CSMD1: variants seen among roughly 807,000 people sequenced by gnomAD.
CSMD1 encodes the protein CUB and sushi domain-containing protein 1.
A neutral mutation model predicts 417.5 loss-of-function variants in CSMD1; 213 were observed. That is an observed-to-expected ratio of 0.51 (90% CI 0.46 to 0.57). The LOEUF (loss-of-function observed/expected upper bound fraction) is 0.57, where lower values mean the gene tolerates loss of function less well. Ranked by LOEUF, CSMD1 falls within the 20% of genes least tolerant of loss-of-function variation. The probability of loss-of-function intolerance (pLI) is 0.00; values close to 1 mark genes in which losing one functional copy is unlikely to be tolerated. For synonymous variants in CSMD1, 2,862 were observed against 1,736.8 expected, an observed-to-expected ratio of 1.65 and a Z score of -16.11; for missense variants, 6,923 against 4,529.7, an observed-to-expected ratio of 1.53 and a Z score of -15.17.
At chr8:4,330,194 A>G (rs931291165) in intron 3 of CSMD1, among the ~76,000 whole-genome samples, 1 of 123,902 alleles carries the variant, frequency 8.1e-6, no homozygotes, top group African/African-American at 2.6e-5. Context: ...TATGAAATCC[A>G]CAATTTCTCC....
chr8:4,371,924 G>C (rs1414180254), intron 3 of CSMD1, among the ~76,000 whole-genome samples: 1 of 152,214 alleles, frequency 6.6e-6, no homozygotes, highest in South Asian at 2.1e-4. Flanking sequence ...TTTCACAAGA[G>C]TAATGATGAC....
At chr8:3,380,929 T>G (rs1410604860) in intron 18 of CSMD1, among the ~76,000 whole-genome samples, 3 of 152,094 alleles carry the variant, frequency 2.0e-5, no homozygotes, top group Admixed American at 2.0e-4. Context: ...TAAAATATTT[T>G]AAAAAGTAAG....
chr8:4,938,452 T>C (rs1406472366), intron 1 of CSMD1, among the ~76,000 whole-genome samples: 1 of 152,112 alleles, frequency 6.6e-6, no homozygotes, highest in Non-Finnish European at 1.5e-5. Context: ...TGTTCTCTAG[T>C]AAAAAGACAA....
chr8:3,958,231 G>A (rs1192033268), intron 5 of CSMD1, among the ~76,000 whole-genome samples: 1 of 151,786 alleles, frequency 6.6e-6, no homozygotes, highest in African/African-American at 2.4e-5. Flanking sequence ...CAAACATGAA[G>A]ATAGACTACG....
intron 3 of CSMD1, among the ~76,000 whole-genome samples, chr8:4,294,112 G>C (rs1193549928): frequency 6.6e-6 from 1 of 152,144 alleles, no homozygotes; most frequent in Non-Finnish European, 1.5e-5. Context: ...ACTGGAAAAA[G>C]TAATGTGGCA....
At position 3,453,327 on chromosome 8, in the gene CSMD1, T is replaced by C. The variant is rs1257450759; in HGVS notation, c.1561+15385A>G. On this transcript the variant is annotated intron_variant, in intron 12 of 69. Transcript: ENST00000635120. ...TCTATTTCGTTCACTTCTGCTCTGA[T>C]CTTAGTTATTTCTCACCTTCTGCTG... Among the ~76,000 whole-genome samples the C allele has an allele frequency of 2.0e-5, 3 of 152,338 alleles. No individual in the cohort carries two copies. In the East Asian group the frequency reaches 5.8e-4, roughly 29 times the overall value.
Position 4,328,325 on chromosome 8 carries a change from T to C in CSMD1, c.415+91628A>G, listed in dbSNP as rs558316955. Reference sequence around the variant, plus strand: ...TTCCCCACGACTCAGTTAAGTCAACTGTGCGGTCTGAGACTTCTCTCTTTC... The same window carrying C: ...TTCCCCACGACTCAGTTAAGTCAACCGTGCGGTCTGAGACTTCTCTCTTTC... On this transcript the variant is annotated intron_variant, in intron 3 of 69. Coordinates refer to ENST00000635120, the MANE Select transcript of CSMD1 (RefSeq NM_033225.6). 2.6e-5 allele frequency among the ~76,000 whole-genome samples: 4 copies of C among 151,206 alleles called. No homozygotes were observed. The East Asian group carries it at 7.8e-4, about 30-fold the overall frequency.
chr8:4,804,541 G>C (rs945126076), intron 1 of CSMD1, among the ~76,000 whole-genome samples: 2 of 151,560 alleles, frequency 1.3e-5, no homozygotes, highest in East Asian at 1.9e-4. Context: ...GAGAGAGAGA[G>C]AGGGAGGGAG....
chr8:3,586,663 G>A (rs1006585224), intron 8 of CSMD1, among the ~76,000 whole-genome samples: 1 of 152,086 alleles, frequency 6.6e-6, no homozygotes, highest in African/African-American at 2.4e-5. Context: ...AAAACAAGAA[G>A]TAAAAAAGTC....
At chr8:3,378,359 A>G (rs1373101392) in intron 18 of CSMD1, among the ~76,000 whole-genome samples, 2 of 152,194 alleles carry the variant, frequency 1.3e-5, no homozygotes, top group Non-Finnish European at 2.9e-5. Flanking sequence ...AAACTATTCC[A>G]GACAATAAAA....
chr8:4,374,710 C>T (rs568983048), intron 3 of CSMD1, among the ~76,000 whole-genome samples: 10 of 152,222 alleles, frequency 6.6e-5, no homozygotes, highest in East Asian at 1.9e-4. Context: ...CAGCTGCATC[C>T]GTGTCTGGAG....
At chr8:3,564,517 T>TGTGTGTGTGTGTGTG (rs1799611525) in intron 10 of CSMD1, among the ~76,000 whole-genome samples, 1 of 145,392 alleles carries the variant, frequency 6.9e-6, no homozygotes, top group Non-Finnish European at 1.5e-5. Context: ...CACAGTATAT[T>TGTGTGTGTGTGTGTG]TGTGTGTGTG....
At chr8:3,021,631 TCACCTGCAATCCCAAAGCCTCCGGAATG>T (rs1809403068) in intron 51 of CSMD1, among the ~76,000 whole-genome samples, 1 of 151,894 alleles carries the variant, frequency 6.6e-6, no homozygotes, top group Non-Finnish European at 1.5e-5. Context: ...CATCCGGAAA[TCACCTGCAATCCCAAAGCCTCCGGAATG>T]CACCTGCAAT....
chr8:4,216,470 T>A (rs1349715233), intron 3 of CSMD1, among the ~76,000 whole-genome samples: 2 of 152,206 alleles, frequency 1.3e-5, no homozygotes, highest in Non-Finnish European at 2.9e-5. Flanking sequence ...AATTAGTAAT[T>A]AGTAAAATTT....
intron 3 of CSMD1, among the ~76,000 whole-genome samples, chr8:4,150,347 C>G (rs867988321): frequency 6.6e-6 from 1 of 152,184 alleles, no homozygotes; most frequent in African/African-American, 2.4e-5. Flanking sequence ...CCGTGCCATT[C>G]TAACTCAGTG....
chr8:4,496,519 G>C (rs763149953), intron 2 of CSMD1, among the ~76,000 whole-genome samples: 45 of 152,332 alleles, frequency 3.0e-4, no homozygotes, highest in Middle Eastern at 6.8e-3. Context: ...ATACCAGGGA[G>C]TATGTTAACA....
At chr8:4,035,106 C>T (rs1342016852) in intron 3 of CSMD1, among the ~76,000 whole-genome samples, 2 of 152,114 alleles carry the variant, frequency 1.3e-5, no homozygotes, top group Non-Finnish European at 1.5e-5. Context: ...TAGTTGTGAG[C>T]TGCCTAACAA....
At position 4,524,027 on chromosome 8, in the gene CSMD1, G is replaced by A. The variant is rs144589552; in HGVS notation, c.303-103962C>T. On this transcript the variant is annotated intron_variant, in intron 2 of 69. Transcript: ENST00000635120. ...AGGTTTTGGATCTCCAACATTAAAT[G>A]TAGTTTCTGATGTGGTAAATCCTCC... 1.8e-3 allele frequency among the ~76,000 whole-genome samples: 273 copies of A among 152,160 alleles called. No homozygotes were observed. The Middle Eastern group carries it at 0.024, about 13-fold the overall frequency.
chr8:3,023,968 G>C (rs544579438), intron 51 of CSMD1, among the ~76,000 whole-genome samples: 2 of 152,044 alleles, frequency 1.3e-5, no homozygotes, highest in Non-Finnish European at 2.9e-5. Flanking sequence ...GAGTGACACT[G>C]TGTATCTTCT....
Sources: allele counts gnomAD v4.1 joint callset (sites outside exome capture counted in the v4.1 genomes callset), GRCh38; gene constraint gnomAD v4.1.1; transcripts MANE v1.5; gene names NCBI Gene and HGNC (gene_info 2026-07-23, HGNC 2026-07-21).